TRAPPC9: variants seen among roughly 807,000 people sequenced by gnomAD.
TRAPPC9 encodes the protein trafficking protein particle complex subunit 9, also known as IKK2 binding protein.
TRAPPC9 carries 83 observed loss-of-function variants against 124.0 expected under a neutral mutation model. The ratio of observed to expected loss-of-function variants is 0.67; its 90% CI spans 0.56 to 0.80. The LOEUF (loss-of-function observed/expected upper bound fraction) is 0.80, where lower values mean the gene tolerates loss of function less well. TRAPPC9 is among the 30% of genes least tolerant of loss of function. The probability of loss-of-function intolerance (pLI) is 0.00; values close to 1 mark genes in which losing one functional copy is unlikely to be tolerated. For synonymous variants in TRAPPC9, 638 were observed against 617.5 expected, an observed-to-expected ratio of 1.03 and a Z score of -0.49; for missense variants, 1,302 against 1,508.3, an observed-to-expected ratio of 0.86 and a Z score of 2.27.
At chr8:140,358,282 C>G (rs2067815795) in intron 9 of TRAPPC9, among the ~76,000 whole-genome samples, 1 of 152,222 alleles carries the variant, frequency 6.6e-6, no homozygotes, top group African/African-American at 2.4e-5. Context: ...CATTGGCTCT[C>G]TGCAAGCGCC....
chr8:140,169,857 C>T (rs1470383449), intron 17 of TRAPPC9, among the ~76,000 whole-genome samples: 9 of 152,072 alleles, frequency 5.9e-5, no homozygotes, highest in Admixed American at 5.9e-4. Context: ...CCCACCTCAG[C>T]CTCCTGAATA....
chr8:140,434,051 T>C (rs2070735222), intron 4 of TRAPPC9, among the ~76,000 whole-genome samples: 1 of 152,214 alleles, frequency 6.6e-6, no homozygotes, highest in Admixed American at 6.5e-5. Context: ...GTGGCTGCTT[T>C]CCGCAACCAA....
At chr8:139,847,556 C>T (rs540055575) in intron 21 of TRAPPC9, among the ~76,000 whole-genome samples, 1 of 151,960 alleles carries the variant, frequency 6.6e-6, no homozygotes, top group African/African-American at 2.4e-5. Flanking sequence ...GGCACGAGCA[C>T]CTGTCCCCTG....
rs534409923 is a variant in TRAPPC9 at position 140,230,233 on chromosome 8, A to G, written c.2432-8650T>C. Among the ~76,000 whole-genome samples the G allele has an allele frequency of 7.6e-4, 116 of 152,336 alleles. 1 individual carries two copies. In the South Asian group the frequency reaches 0.019, roughly 25 times the overall value. On this transcript the variant is annotated intron_variant, in intron 16 of 22. Transcript: ENST00000438773. The stretch of plus-strand genomic sequence containing the variant: ...ACTGGCCACACAGAAAACCAACTAC[A>G]AAGCACTTTTAAAGCACTGGACAGT...
chr8:140,358,037 C>T (rs2067807571), intron 9 of TRAPPC9, among the ~76,000 whole-genome samples: 1 of 152,162 alleles, frequency 6.6e-6, no homozygotes, highest in Admixed American at 6.5e-5. Flanking sequence ...GCCTTCAGAA[C>T]CTTGGCAACA....
chr8:140,102,146 T>C (rs892573489), intron 17 of TRAPPC9, among the ~76,000 whole-genome samples: 1 of 152,212 alleles, frequency 6.6e-6, no homozygotes, highest in African/African-American at 2.4e-5. Flanking sequence ...GTGATTAATG[T>C]AACTTATGAT....
At chr8:139,947,507 T>C (rs1834304794) in intron 19 of TRAPPC9, among the ~76,000 whole-genome samples, 2 of 152,178 alleles carry the variant, frequency 1.3e-5, no homozygotes, top group African/African-American at 4.8e-5. Flanking sequence ...CTTTGTTTTG[T>C]CCTTGTTGAA....
At chr8:140,227,326 G>A (rs1179803865) in intron 16 of TRAPPC9, among the ~76,000 whole-genome samples, 1 of 152,128 alleles carries the variant, frequency 6.6e-6, no homozygotes, top group Non-Finnish European at 1.5e-5. Context: ...AAATAGAACA[G>A]AGAACAGATT....
At chr8:140,074,813 G>A (rs1306427327) in intron 17 of TRAPPC9, among the ~76,000 whole-genome samples, 2 of 152,154 alleles carry the variant, frequency 1.3e-5, no homozygotes, top group Non-Finnish European at 2.9e-5. Context: ...GAGAACGTCG[G>A]GCACAGACAG....
At chr8:139,819,077 A>G (rs2035087) in intron 21 of TRAPPC9, among the ~76,000 whole-genome samples, 82,680 of 152,096 alleles carry the variant, frequency 0.54, 26,104 homozygotes, top group African/African-American at 0.86. Flanking sequence ...CAGCCACCCC[A>G]CATCGTTTGT....
chr8:140,072,410 T>C (rs1047027258), intron 17 of TRAPPC9, among the ~76,000 whole-genome samples: 1 of 151,758 alleles, frequency 6.6e-6, no homozygotes, highest in African/African-American at 2.4e-5. Flanking sequence ...CATGTGCCTG[T>C]AGGAGGCTGA....
At chr8:140,408,473 A>G (rs11995248) in intron 5 of TRAPPC9, among the ~76,000 whole-genome samples, 4,413 of 152,268 alleles carry the variant, frequency 0.029, 211 homozygotes, top group African/African-American at 0.094. Flanking sequence ...GCAGAGATGG[A>G]TGCCGCTTGA....
intron 19 of TRAPPC9, chr8:139,933,051 A>G (rs988019860): frequency 1.9e-5 from 3 of 157,332 alleles, no homozygotes; most frequent in Admixed American, 6.2e-5. Context: ...CGGGAGCAAC[A>G]TCTCTCTTCT....
At chr8:139,999,876 AATATG>A (rs1485271757) in intron 18 of TRAPPC9, among the ~76,000 whole-genome samples, 2 of 152,252 alleles carry the variant, frequency 1.3e-5, no homozygotes, top group Non-Finnish European at 2.9e-5. Context: ...ACAAAAATAA[AATATG>A]ATATATCAAA....
At chr8:140,105,716 T>C (rs1170761364) in intron 17 of TRAPPC9, among the ~76,000 whole-genome samples, 1 of 152,176 alleles carries the variant, frequency 6.6e-6, no homozygotes, top group Non-Finnish European at 1.5e-5. Context: ...GCCCTCTTTA[T>C]GTCTCCTCTG....
At chr8:140,443,171 C>T (rs1478423273) in intron 2 of TRAPPC9, among the ~76,000 whole-genome samples, 5 of 133,884 alleles carry the variant, frequency 3.7e-5, no homozygotes, top group East Asian at 2.4e-4. Flanking sequence ...CGCGGTGGCT[C>T]ACACCTGTAA....
chr8:140,207,758 TG>T (rs2062961389), intron 17 of TRAPPC9, among the ~76,000 whole-genome samples: 2 of 152,240 alleles, frequency 1.3e-5, no homozygotes, highest in Admixed American at 1.3e-4. Flanking sequence ...GGGAGAATAC[TG>T]AAGCGGGGCT....
chr8:140,440,972 CTTTTT>C (rs60379205), intron 2 of TRAPPC9, among the ~76,000 whole-genome samples: 10 of 80,290 alleles, frequency 1.2e-4, no homozygotes, highest in South Asian at 9.2e-4. Context: ...AACACTGTTA[CTTTTT>C]TTTTTTTTTT....
chr8:140,309,114 T>C lies in TRAPPC9; in HGVS notation c.1622+2134A>G, dbSNP rs192905843. On this transcript the variant is annotated intron_variant, in intron 10 of 22. Coordinates refer to ENST00000438773, the MANE Select transcript of TRAPPC9 (RefSeq NM_001160372.4). ...ACACTTTCACCCAATCTGCCTTTTC[T>C]AATGTTTCAACAGCCGAGGGACTAA... Among the ~76,000 whole-genome samples the C allele has an allele frequency of 1.1e-4, 17 of 152,328 alleles. 1 individual carries two copies. Among genetic ancestry groups the C allele is most frequent in the African/African-American group, 3.8e-4 (16 of 41,562 alleles).
Sources: gnomAD v4.1 joint callset for allele counts (sites outside exome capture counted in the v4.1 genomes callset) on GRCh38, gnomAD v4.1.1 for gene constraint, MANE v1.5 for transcripts, NCBI Gene and HGNC (gene_info 2026-07-23, HGNC 2026-07-21) for gene names.